The following CNTNAP4 variants were observed in gnomAD, a reference collection of about 807,000 sequenced individuals.
CNTNAP4 encodes the protein contactin associated protein family member 4, also known as contactin-associated protein-like 4.
A neutral mutation model predicts 148.4 loss-of-function variants in CNTNAP4; 98 were observed. That is an observed-to-expected ratio of 0.66 (90% CI 0.56 to 0.78). The LOEUF (loss-of-function observed/expected upper bound fraction) is 0.78, where lower values mean the gene tolerates loss of function less well. Among genes scored for constraint, CNTNAP4 ranks in the 30% least tolerant of loss-of-function variants. CNTNAP4 has a pLI of 0.00. For missense variants in CNTNAP4, 1,935 were observed against 1,565.6 expected, an observed-to-expected ratio of 1.24 and a Z score of -3.98; for synonymous variants, 730 against 565.1, an observed-to-expected ratio of 1.29 and a Z score of -4.14.
At chr16:76,493,122 G>A (rs1157343459) in intron 13 of CNTNAP4, among the ~76,000 whole-genome samples, 1 of 152,110 alleles carries the variant, frequency 6.6e-6, no homozygotes, top group Admixed American at 6.6e-5. Flanking sequence ...ATTTGAAGTG[G>A]AGAGAGTTAA....
chr16:76,378,669 C>T (rs750703312), intron 3 of CNTNAP4, among the ~76,000 whole-genome samples: 1 of 152,164 alleles, frequency 6.6e-6, no homozygotes. Context: ...TGTATTCTTG[C>T]AGTCTCAGCC....
At chr16:76,461,167 T>TG in intron 8 of CNTNAP4, among the ~76,000 whole-genome samples, 1 of 152,112 alleles carries the variant, frequency 6.6e-6, no homozygotes. Flanking sequence ...GCATTATGTT[T>TG]GGGGGCCACT....
At chr16:76,355,295 C>G (rs747811398) in intron 2 of CNTNAP4, 23 bp from the exon 3 acceptor site, 3 of 1,483,330 alleles carry the variant, frequency 2.0e-6, no homozygotes, top group Non-Finnish European at 2.7e-6. Context: ...TCAATTTTCT[C>G]CTGTTTCTAT....
intron 2 of CNTNAP4, among the ~76,000 whole-genome samples, chr16:76,317,325 C>A (rs75549507): frequency 0.027 from 3,847 of 141,400 alleles, 147 homozygotes; most frequent in East Asian, 0.17. Flanking sequence ...AAACTCAGTT[C>A]ATCTTAGTTT....
At chr16:76,348,344 G>A (rs1965086527) in intron 2 of CNTNAP4, among the ~76,000 whole-genome samples, 2 of 152,058 alleles carry the variant, frequency 1.3e-5, no homozygotes, top group Admixed American at 1.3e-4. Context: ...CCAGTCTTGG[G>A]TTCAGGGAAG....
intron 2 of CNTNAP4, among the ~76,000 whole-genome samples, chr16:76,340,859 A>G (rs1009253963): frequency 4.6e-5 from 7 of 152,148 alleles, no homozygotes; most frequent in African/African-American, 9.7e-5. Context: ...TGCACTGCCA[A>G]TCAGCAATGT....
At chr16:76,446,787 A>T (rs1019873956) in intron 4 of CNTNAP4, among the ~76,000 whole-genome samples, 1 of 152,184 alleles carries the variant, frequency 6.6e-6, no homozygotes, top group African/African-American at 2.4e-5. Context: ...GCGGCATTTG[A>T]TGAGTCTATG....
At chr16:76,522,341 AC>A (rs1206468562) in intron 17 of CNTNAP4, 84 bp downstream of exon 17, 1 of 1,102,886 alleles carries the variant, frequency 9.1e-7, no homozygotes, top group African/African-American at 1.6e-5. Context: ...AACTATAGAA[AC>A]AAGGATAATA....
chr16:76,406,344 C>T (rs969604436), intron 3 of CNTNAP4, among the ~76,000 whole-genome samples: 11 of 152,098 alleles, frequency 7.2e-5, no homozygotes, highest in African/African-American at 2.7e-4. Context: ...ACTGGCTGTT[C>T]CCGCATCTCT....
intron 15 of CNTNAP4, among the ~76,000 whole-genome samples, chr16:76,503,686 A>T (rs1457717406): frequency 6.1e-5 from 6 of 99,130 alleles, no homozygotes; most frequent in Admixed American, 5.8e-4. Flanking sequence ...CCTTCCCCCC[A>T]CCCCACAACA....
chr16:76,461,859 C>A, intron 8 of CNTNAP4, 97 bp from the exon 9 acceptor site: 1 of 974,504 alleles, frequency 1.0e-6, no homozygotes, highest in Non-Finnish European at 1.6e-6. Context: ...GAGTTAAGTA[C>A]TGTAGCCAAT....
chr16:76,469,281 A>G (rs899427575), intron 10 of CNTNAP4, among the ~76,000 whole-genome samples: 8 of 152,348 alleles, frequency 5.3e-5, no homozygotes, highest in South Asian at 4.1e-4. Context: ...TTAAACCTCA[A>G]CTGGCTAGAT....
intron 2 of CNTNAP4, among the ~76,000 whole-genome samples, chr16:76,335,759 C>A (rs1963966970): frequency 6.6e-6 from 1 of 152,072 alleles, no homozygotes; most frequent in South Asian, 2.1e-4. Context: ...CCTTATCAGC[C>A]CCAGAGGGCA....
intron 15 of CNTNAP4, among the ~76,000 whole-genome samples, chr16:76,499,445 G>A (rs960764554): frequency 6.6e-6 from 1 of 151,522 alleles, no homozygotes; most frequent in African/African-American, 2.4e-5. Context: ...CCTCAATATG[G>A]CTACTAGATT....
chr16:76,312,539 C>G (rs1371440566), intron 1 of CNTNAP4, among the ~76,000 whole-genome samples: 1 of 152,104 alleles, frequency 6.6e-6, no homozygotes, highest in Admixed American at 6.6e-5. Flanking sequence ...GGTTCTCTTC[C>G]TCTCTTGTCA....
chr16:76,380,206 T>C (rs1430368877), intron 3 of CNTNAP4, among the ~76,000 whole-genome samples: 1 of 152,172 alleles, frequency 6.6e-6, no homozygotes, highest in Non-Finnish European at 1.5e-5. Flanking sequence ...GAATAAGATA[T>C]AATAACTAGA....
chr16:76,409,193 TC>T (rs2078706418), intron 3 of CNTNAP4, among the ~76,000 whole-genome samples: 1 of 151,848 alleles, frequency 6.6e-6, no homozygotes, highest in African/African-American at 2.4e-5. Flanking sequence ...ACTAAAGAAT[TC>T]CCCCTCAGAT....
intron 2 of CNTNAP4, among the ~76,000 whole-genome samples, chr16:76,347,365 T>A (rs1410691952): frequency 6.6e-6 from 1 of 152,174 alleles, no homozygotes; most frequent in African/African-American, 2.4e-5. Flanking sequence ...AAGCACCTAC[T>A]ATGTGTCCAG....
chr16:76,480,610 C>T (rs544649150), intron 12 of CNTNAP4, among the ~76,000 whole-genome samples: 10 of 152,124 alleles, frequency 6.6e-5, no homozygotes, highest in Non-Finnish European at 8.8e-5. Context: ...TGGTGGCATG[C>T]GCTTGCAGTC....
Sources: allele counts gnomAD v4.1 joint callset (sites outside exome capture counted in the v4.1 genomes callset), GRCh38; gene constraint gnomAD v4.1.1; transcripts MANE v1.5; gene names NCBI Gene and HGNC (gene_info 2026-07-23, HGNC 2026-07-21).